Variants in ZBTB20 observed in about 807,000 individuals in gnomAD.
The protein encoded by ZBTB20 is zinc finger and BTB domain-containing protein 20.
A neutral mutation model predicts 56.9 loss-of-function variants in ZBTB20; 9 were observed. That is an observed-to-expected ratio of 0.16 (90% CI 0.10 to 0.28). The LOEUF is 0.28. ZBTB20 is among the 10% of genes least tolerant of loss of function. The pLI is 1.00. For synonymous variants in ZBTB20, 417 were observed against 420.7 expected, an observed-to-expected ratio of 0.99 and a Z score of 0.11; for missense variants, 655 against 1,003.0, an observed-to-expected ratio of 0.65 and a Z score of 4.69.
At chr3:115,057,339 C>T (rs902344293) in intron 2 of ZBTB20, among the ~76,000 whole-genome samples, 22 of 151,446 alleles carry the variant, frequency 1.5e-4, no homozygotes, top group African/African-American at 4.8e-4. Context: ...TTTGGCCTTA[C>T]TGTTATATCT....
chr3:114,793,563 A>T (rs902538569), intron 5 of ZBTB20, among the ~76,000 whole-genome samples: 1 of 152,162 alleles, frequency 6.6e-6, no homozygotes, highest in Non-Finnish European at 1.5e-5. Context: ...ATTTCCAGCC[A>T]TTATGATATA....
chr3:114,701,411 A>T (rs1200971983), intron 5 of ZBTB20, among the ~76,000 whole-genome samples: 1 of 152,166 alleles, frequency 6.6e-6, no homozygotes, highest in Non-Finnish European at 1.5e-5. Context: ...CTATAGTGTA[A>T]TGCTATGTGC....
chr3:114,900,974 G>T (rs533403934), intron 3 of ZBTB20, among the ~76,000 whole-genome samples: 1 of 152,264 alleles, frequency 6.6e-6, no homozygotes, highest in African/African-American at 2.4e-5. Flanking sequence ...CAGCGAAGTA[G>T]GTATTGATAC....
At chr3:114,505,375 T>C (rs1344017277) in intron 6 of ZBTB20, among the ~76,000 whole-genome samples, 1 of 152,106 alleles carries the variant, frequency 6.6e-6, no homozygotes, top group Non-Finnish European at 1.5e-5. Flanking sequence ...TTCAGCATTG[T>C]GAATAGAAAA....
intron 2 of ZBTB20, among the ~76,000 whole-genome samples, chr3:115,059,754 T>C (rs1034896430): frequency 5.9e-5 from 9 of 152,174 alleles, no homozygotes; most frequent in African/African-American, 2.2e-4. Flanking sequence ...TAGGTTTCCC[T>C]TCTGTACATT....
At chr3:114,919,592 C>G (rs2075879499) in intron 3 of ZBTB20, among the ~76,000 whole-genome samples, 1 of 151,868 alleles carries the variant, frequency 6.6e-6, no homozygotes, top group Non-Finnish European at 1.5e-5. Flanking sequence ...GCAATCCCAG[C>G]TACTCGGGAG....
At chr3:114,758,022 T>A (rs2068130483) in intron 5 of ZBTB20, among the ~76,000 whole-genome samples, 1 of 152,126 alleles carries the variant, frequency 6.6e-6, no homozygotes, top group African/African-American at 2.4e-5. Flanking sequence ...TTTTTCATAG[T>A]TATTAAAAGC....
intron 2 of ZBTB20, among the ~76,000 whole-genome samples, chr3:115,006,249 T>C (rs906580559): frequency 6.6e-6 from 1 of 151,416 alleles, no homozygotes; most frequent in African/African-American, 2.4e-5. Context: ...AGTTTGCTTG[T>C]TTGTTTGTTT....
intron 2 of ZBTB20, among the ~76,000 whole-genome samples, chr3:115,006,251 T>C (rs541814673): frequency 1.3e-5 from 2 of 151,744 alleles, no homozygotes; most frequent in African/African-American, 2.4e-5. Flanking sequence ...TTTGCTTGTT[T>C]GTTTGTTTGT....
intron 2 of ZBTB20, among the ~76,000 whole-genome samples, chr3:115,005,706 C>T (rs2079437421): frequency 6.6e-6 from 1 of 151,828 alleles, no homozygotes; most frequent in South Asian, 2.1e-4. Flanking sequence ...TCTACCTCTA[C>T]TGCTGCCTTC....
At chr3:114,811,656 C>A (rs1210894512) in intron 4 of ZBTB20, among the ~76,000 whole-genome samples, 1 of 152,182 alleles carries the variant, frequency 6.6e-6, no homozygotes, top group Non-Finnish European at 1.5e-5. Context: ...TTGAGGAAAT[C>A]AAAGTATTCA....
chr3:114,552,800 GTC>G (rs540009312), intron 6 of ZBTB20, among the ~76,000 whole-genome samples: 325 of 152,242 alleles, frequency 2.1e-3, no homozygotes, highest in African/African-American at 7.1e-3. Flanking sequence ...GAAAGGCCAG[GTC>G]TCTCTCTATT....
intron 7 of ZBTB20, among the ~76,000 whole-genome samples, chr3:114,409,298 C>T (rs1467260455): frequency 6.6e-6 from 1 of 151,988 alleles, no homozygotes; most frequent in Non-Finnish European, 1.5e-5. Context: ...CTTGCCTACA[C>T]TTAGCTACAG....
intron 6 of ZBTB20, among the ~76,000 whole-genome samples, chr3:114,534,230 T>C (rs914625638): frequency 2.0e-5 from 3 of 152,098 alleles, no homozygotes; most frequent in Admixed American, 6.5e-5. Context: ...GTGTGCTGCA[T>C]TTAGGAGACC....
At position 114,351,779 on chromosome 3, in the gene ZBTB20, C is replaced by T. The variant is rs765348450; in HGVS notation, c.299G>A (p.Arg100His). Residue 100 changes from arginine to histidine, a missense_variant, in exon 11 of 12, where the codon CGT (arginine) becomes CAT (histidine). By Grantham distance (29) the Arg-to-His change is conservative. Transcript: ENST00000675478. ...VLETLNEQRN[R>H]GHFCDVTVRI... ...CACCGTTACGTCACAGAAGTGGCCA[C>T]GGTTGCGCTGCTCGTTGAGGGTCTC... 1.2e-6 allele frequency: 2 copies of T among 1,611,450 alleles called. No homozygotes were observed. Among genetic ancestry groups the T allele is most frequent in the Non-Finnish European group, 1.7e-6 (2 of 1,177,740 alleles).
intron 10 of ZBTB20, among the ~76,000 whole-genome samples, chr3:114,355,624 T>G (rs2081171433): frequency 6.6e-6 from 1 of 152,224 alleles, no homozygotes; most frequent in Non-Finnish European, 1.5e-5. Context: ...TCCAGGCTTT[T>G]GTGAGCATGT....
intron 7 of ZBTB20, among the ~76,000 whole-genome samples, chr3:114,440,156 T>C (rs564331161): frequency 1.3e-5 from 2 of 152,272 alleles, no homozygotes; most frequent in African/African-American, 4.8e-5. Flanking sequence ...CTCTGATTCA[T>C]TTATTTTAAA....
In ZBTB20 at chr3:115,064,408, G is replaced by GAATTCAAA. The variant is rs201129501; in HGVS notation, c.-507+6803_-507+6810dup. 2.2e-3 allele frequency among the ~76,000 whole-genome samples: 313 copies of GAATTCAAA among 142,768 alleles called. 8 individuals are homozygous for GAATTCAAA. The East Asian group carries it at 0.056, about 26-fold the overall frequency. 93.7% of individuals were successfully genotyped at this position (142,768 alleles called of 152,430 possible). A position where few individuals can be genotyped will look rare whatever the true frequency, so the allele number is the denominator to read the frequency against. ...ATACGTAATTGGTAGTTTGGGTGTA[G>GAATTCAAA]AATTCAAAGTTAAAAGTAATTTTCT... On this transcript the variant is annotated intron_variant, in intron 2 of 11. Transcript: ENST00000675478.
At chr3:114,846,365 C>G (rs1543247) in intron 4 of ZBTB20, among the ~76,000 whole-genome samples, 4,714 of 152,290 alleles carry the variant, frequency 0.031, 104 homozygotes, top group Non-Finnish European at 0.049. Context: ...CCATCCACAA[C>G]AGACTAAATG....
Sources: allele counts gnomAD v4.1 joint callset (sites outside exome capture counted in the v4.1 genomes callset), GRCh38; gene constraint gnomAD v4.1.1; transcripts MANE v1.5; gene names NCBI Gene and HGNC (gene_info 2026-07-23, HGNC 2026-07-21).